Variants in MBOAT1 observed in about 807,000 individuals in gnomAD.
MBOAT1 encodes the protein membrane bound glycerophospholipid O-acyltransferase 1.
Under a neutral mutation model 64.4 loss-of-function variants are expected in MBOAT1, and 67 were observed. That is an observed-to-expected ratio of 1.04 (90% confidence interval 0.85 to 1.27). The LOEUF (loss-of-function observed/expected upper bound fraction) is 1.27, where lower values mean the gene tolerates loss of function less well. Ranked by LOEUF, MBOAT1 falls within the 50% of genes most tolerant of loss-of-function variation. The pLI, the probability that MBOAT1 is intolerant of heterozygous loss-of-function variation, is 0.00. For missense variants in MBOAT1, 563 were observed against 604.6 expected (o/e 0.93, Z 0.72); for synonymous variants, 229 against 218.9 (o/e 1.05, Z -0.41).
chr6:20,176,940 T>C (rs1395587276), intron 1 of MBOAT1, among the ~76,000 whole-genome samples: 1 of 152,190 alleles, frequency 6.6e-6, no homozygotes, highest in East Asian at 1.9e-4. Context: ...TCATTTTTAT[T>C]CCATCTCAAA....
At chr6:20,115,472 T>C (rs1760292359) in intron 9 of MBOAT1, 120 bp from the exon 10 acceptor site, 2 of 759,086 alleles carry the variant, frequency 2.6e-6, no homozygotes, top group Non-Finnish European at 4.5e-6. Flanking sequence ...CTGCTCACAG[T>C]TGAGAGCAAG....
intron 1 of MBOAT1, among the ~76,000 whole-genome samples, chr6:20,169,481 G>T (rs1232798928): frequency 6.6e-6 from 1 of 152,028 alleles, no homozygotes; most frequent in Admixed American, 6.5e-5. Context: ...CTGTGATTCT[G>T]CCTGGTCCCT....
chr6:20,109,304 C>G (rs1760050860), intron 12 of MBOAT1, among the ~76,000 whole-genome samples: 1 of 152,200 alleles, frequency 6.6e-6, no homozygotes, highest in African/African-American at 2.4e-5. Flanking sequence ...AATTTACCCT[C>G]TGAGTTTTTA....
At chr6:20,108,941 C>G (rs140315845) in intron 12 of MBOAT1, among the ~76,000 whole-genome samples, 1 of 152,370 alleles carries the variant, frequency 6.6e-6, no homozygotes, top group Admixed American at 6.5e-5. Context: ...TGCTCAACCA[C>G]TTCACAACAG....
rs143219540 is a variant in MBOAT1, at chr6:20,203,249, C to T, written c.99+8887G>A. Among the ~76,000 whole-genome samples, 320 of 151,938 alleles carry T rather than the reference C, an allele frequency of 2.1e-3. 2 individuals carry two copies. Among genetic ancestry groups the T allele is most frequent in the African/African-American group, 6.6e-3 (272 of 41,404 alleles). ...GTATGTATGACTTGATTTTAGACTG[C>T]TAAAGGAAATTTCTACATGTTCACA... is the stretch of plus-strand genomic sequence containing the variant. On this transcript the variant is annotated intron_variant, in intron 1 of 12. Transcript: ENST00000324607.
At chr6:20,188,907 C>G (rs533211506) in intron 1 of MBOAT1, among the ~76,000 whole-genome samples, 1 of 152,168 alleles carries the variant, frequency 6.6e-6, no homozygotes. Context: ...AGAACTCAAC[C>G]AAGGACCCAT....
intron 1 of MBOAT1, 62 bp from the exon 2 acceptor site, chr6:20,152,831 G>T (rs141890540): frequency 5.8e-6 from 2 of 342,658 alleles, no homozygotes; most frequent in Non-Finnish European, 4.0e-6. Context: ...TTTTTTGTTT[G>T]TTTTGTTTTG....
At position 20,192,995 on chromosome 6, in the gene MBOAT1, C is replaced by CTTTTTTTTTTTTTTTTTTTTTTTTTTTTT. The variant is rs1174816793; in HGVS notation, c.99+19140_99+19141insAAAAAAAAAAAAAAAAAAAAAAAAAAAAA. Among the ~76,000 whole-genome samples the CTTTTTTTTTTTTTTTTTTTTTTTTTTTTT allele has an allele frequency of 1.3e-4, 7 of 55,048 alleles. 2 individuals are homozygous for CTTTTTTTTTTTTTTTTTTTTTTTTTTTTT. The highest frequency in any genetic ancestry group is 1.9e-4 in the African/African-American group (3 of 15,764). 36.1% of individuals were successfully genotyped at this position (55,048 alleles called of 152,430 possible). ...TTATTCAGCTGGTATGCTATAATTT[C>CTTTTTTTTTTTTTTTTTTTTTTTTTTTTT]TTTTTTTTTTTTTTTTTTTTTTTTT... On this transcript the variant is annotated intron_variant, in intron 1 of 12. Coordinates refer to ENST00000324607, the MANE Select transcript of MBOAT1 (RefSeq NM_001080480.3).
At chr6:20,210,702 TAAA>T (rs1443636459) in intron 1 of MBOAT1, among the ~76,000 whole-genome samples, 7 of 151,190 alleles carry the variant, frequency 4.6e-5, no homozygotes, top group Non-Finnish European at 1.0e-4. Flanking sequence ...TGAAAGACAT[TAAA>T]AACATTATTC....
At chr6:20,111,884 A>ACACATATATATACG in intron 11 of MBOAT1, among the ~76,000 whole-genome samples, 1 of 141,452 alleles carries the variant, frequency 7.1e-6, no homozygotes, top group African/African-American at 2.7e-5. Context: ...ATATATGTAT[A>ACACATATATATACG]TATATATATT....
At chr6:20,195,925 A>C (rs1762943073) in intron 1 of MBOAT1, among the ~76,000 whole-genome samples, 1 of 152,014 alleles carries the variant, frequency 6.6e-6, no homozygotes, top group Non-Finnish European at 1.5e-5. Flanking sequence ...GGAGAGGTGG[A>C]AGGAAGAAAG....
At chr6:20,171,737 A>G (rs1273748506) in intron 1 of MBOAT1, among the ~76,000 whole-genome samples, 2 of 152,026 alleles carry the variant, frequency 1.3e-5, no homozygotes, top group African/African-American at 4.8e-5. Flanking sequence ...TTACATCCTT[A>G]TAGAAGAAAA....
In MBOAT1 at chr6:20,111,869, C is replaced by CGTATATATACGT. The variant is rs1554115582; in HGVS notation, c.1209+1006_1209+1007insACGTATATATAC. Among the ~76,000 whole-genome samples, 7 of 124,318 alleles carry CGTATATATACGT rather than the reference C, an allele frequency of 5.6e-5. 1 individual carries two copies. Among genetic ancestry groups the CGTATATATACGT allele is most frequent in the African/African-American group, 2.7e-4 (7 of 25,674 alleles). 81.6% of individuals were successfully genotyped at this position (124,318 alleles called of 152,430 possible). ...ATACATATATATATACATATATATA[C>CGTATATATACGT]ATATATATATGTATATATATATATT... On this transcript the variant is annotated intron_variant, in intron 11 of 12. Coordinates refer to ENST00000324607, the MANE Select transcript of MBOAT1 (RefSeq NM_001080480.3).
chr6:20,193,163 G>A (rs1257908272), intron 1 of MBOAT1, among the ~76,000 whole-genome samples: 23 of 151,394 alleles, frequency 1.5e-4, no homozygotes, highest in East Asian at 1.2e-3. Flanking sequence ...CCGCCACCGC[G>A]CCCGGCTAAT....
chr6:20,109,901 A>ATTTTTTTTTTTTTTTTTTTT (rs756853889), intron 11 of MBOAT1, 152 bp from the exon 12 acceptor site: 5 of 296,680 alleles, frequency 1.7e-5, no homozygotes, highest in Non-Finnish European at 1.7e-5. Context: ...TACCATCAGG[A>ATTTTTTTTTTTTTTTTTTTT]CTTTTTTTTT....
At chr6:20,140,128 G>T (rs1235603910) in intron 4 of MBOAT1, among the ~76,000 whole-genome samples, 3 of 152,120 alleles carry the variant, frequency 2.0e-5, no homozygotes. Flanking sequence ...AAGTAAAGAT[G>T]CTTGCAAAGC....
At chr6:20,124,301 A>G (rs896882472) in intron 8 of MBOAT1, 107 bp downstream of exon 8, 2 of 1,106,030 alleles carry the variant, frequency 1.8e-6, no homozygotes, top group African/African-American at 1.6e-5. Context: ...GCCTCCCATT[A>G]CGTGTTGAGC....
intron 1 of MBOAT1, among the ~76,000 whole-genome samples, chr6:20,178,382 A>T (rs1762414329): frequency 6.6e-6 from 1 of 152,200 alleles, no homozygotes; most frequent in Non-Finnish European, 1.5e-5. Flanking sequence ...AAAGTTGACA[A>T]AGTTGATAAA....
chr6:20,207,757 T>A (rs1018981007), intron 1 of MBOAT1, among the ~76,000 whole-genome samples: 20 of 152,206 alleles, frequency 1.3e-4, no homozygotes, highest in African/African-American at 4.1e-4. Context: ...TTACCAAGCA[T>A]CAAATGTAAA....
Sources: allele counts gnomAD v4.1 joint callset (sites outside exome capture counted in the v4.1 genomes callset), GRCh38; gene constraint gnomAD v4.1.1; transcripts MANE v1.5; gene names NCBI Gene and HGNC (gene_info 2026-07-23, HGNC 2026-07-21).